Variants in DCC observed in about 807,000 individuals in gnomAD.
The protein encoded by DCC is netrin receptor DCC.
A neutral mutation model predicts 172.5 loss-of-function variants in DCC; 58 were observed. The observed-to-expected ratio is 0.34, with a 90% confidence interval of 0.27 to 0.42. DCC has a LOEUF of 0.42. Ranked by LOEUF, DCC falls within the 10% of genes least tolerant of loss-of-function variation. The pLI is 1.00. For missense variants in DCC, 1,740 were observed against 1,791.0 expected (o/e 0.97, Z 0.51); for synonymous variants, 709 against 644.5 (o/e 1.10, Z -1.52).
intron 6 of DCC, among the ~76,000 whole-genome samples, chr18:53,064,371 A>C (rs66501208): frequency 0.1 from 15,537 of 152,184 alleles, 1,155 homozygotes; most frequent in East Asian, 0.37. Flanking sequence ...ATAACAAAGA[A>C]CTTGCAGCTA....
chr18:52,931,880 A>G (rs1598943857), intron 5 of DCC: 2 of 151,994 alleles, frequency 1.3e-5, no homozygotes, highest in South Asian at 4.2e-4. Flanking sequence ...ACCTGGCTTC[A>G]GTGGGCTTCG....
intron 25 of DCC, among the ~76,000 whole-genome samples, chr18:53,477,869 C>A (rs968842776): frequency 6.6e-6 from 1 of 152,152 alleles, no homozygotes; most frequent in Non-Finnish European, 1.5e-5. Context: ...AGGAGATGAA[C>A]CCCAATCTTT....
chr18:53,257,702 G>A (rs866672732), intron 12 of DCC, among the ~76,000 whole-genome samples: 2 of 152,272 alleles, frequency 1.3e-5, no homozygotes, highest in Admixed American at 1.3e-4. Context: ...CCAGGCTTTG[G>A]TATCAGGATG....
intron 1 of DCC, among the ~76,000 whole-genome samples, chr18:52,586,185 A>G (rs983351495): frequency 3.9e-5 from 6 of 152,010 alleles, no homozygotes. Flanking sequence ...TGAATAATCC[A>G]ACATTAACAA....
At chr18:52,818,005 A>G (rs2038334602) in intron 2 of DCC, 1 of 152,144 alleles carries the variant, frequency 6.6e-6, no homozygotes, top group Non-Finnish European at 1.5e-5. Context: ...CATTGTTTTG[A>G]AGAGGTAGTG....
chr18:53,412,523 A>G (rs952412938), intron 20 of DCC, among the ~76,000 whole-genome samples: 7 of 152,142 alleles, frequency 4.6e-5, no homozygotes, highest in African/African-American at 1.7e-4. Context: ...AAATCATGCT[A>G]TTGCTCTCTG....
intron 27 of DCC, among the ~76,000 whole-genome samples, chr18:53,510,617 A>C (rs1216870010): frequency 1.3e-5 from 2 of 152,224 alleles, no homozygotes; most frequent in Admixed American, 6.5e-5. Context: ...TATTCAAACT[A>C]AAGAAGCTCT....
intron 2 of DCC, among the ~76,000 whole-genome samples, chr18:52,801,362 A>G (rs908214857): frequency 2.0e-5 from 3 of 152,226 alleles, no homozygotes; most frequent in Non-Finnish European, 4.4e-5. Flanking sequence ...ACTTAATTGT[A>G]ACAAAGCCTA....
At chr18:52,698,110 T>G (rs1281956728) in intron 1 of DCC, among the ~76,000 whole-genome samples, 1 of 152,206 alleles carries the variant, frequency 6.6e-6, no homozygotes, top group Non-Finnish European at 1.5e-5. Flanking sequence ...GGATAAATGA[T>G]TCCTTTTATT....
intron 2 of DCC, among the ~76,000 whole-genome samples, chr18:52,894,438 G>A (rs1233113735): frequency 6.7e-6 from 1 of 150,092 alleles, no homozygotes; most frequent in Non-Finnish European, 1.5e-5. Flanking sequence ...CACAATATAA[G>A]TATGTATTTA....
chr18:53,414,167 C>G (rs954825463), intron 20 of DCC, among the ~76,000 whole-genome samples: 3 of 152,028 alleles, frequency 2.0e-5, no homozygotes, highest in Non-Finnish European at 4.4e-5. Flanking sequence ...TGACAAGGTA[C>G]AAGATTTCAT....
At chr18:53,287,844 A>G (rs1568413205) in intron 12 of DCC, among the ~76,000 whole-genome samples, 1 of 152,218 alleles carries the variant, frequency 6.6e-6, no homozygotes, top group African/African-American at 2.4e-5. Flanking sequence ...TATTGATAAC[A>G]AAAGAGACTA....
At chr18:53,396,000 G>C (rs1908915002) in intron 17 of DCC, among the ~76,000 whole-genome samples, 2 of 151,980 alleles carry the variant, frequency 1.3e-5, no homozygotes, top group Admixed American at 1.3e-4. Flanking sequence ...TTAATAGGCT[G>C]GATAGGCAAA....
At chr18:52,451,169 C>A (rs1301477841) in intron 1 of DCC, among the ~76,000 whole-genome samples, 2 of 152,068 alleles carry the variant, frequency 1.3e-5, no homozygotes, top group Non-Finnish European at 2.9e-5. Context: ...TTCCTCCCTC[C>A]CTTCTTTCCA....
intron 7 of DCC, among the ~76,000 whole-genome samples, chr18:53,076,138 C>T (rs746350916): frequency 6.6e-6 from 1 of 152,098 alleles, no homozygotes; most frequent in African/African-American, 2.4e-5. Flanking sequence ...TCCTGCCTTG[C>T]CTGCTGGTAT....
At chr18:53,133,952 G>C (rs2043698404) in intron 7 of DCC, among the ~76,000 whole-genome samples, 1 of 152,138 alleles carries the variant, frequency 6.6e-6, no homozygotes, top group East Asian at 1.9e-4. Context: ...TAGTTGAGAG[G>C]AGAGACCATG....
At chr18:53,117,247 A>G (rs919042025) in intron 7 of DCC, among the ~76,000 whole-genome samples, 1 of 151,752 alleles carries the variant, frequency 6.6e-6, no homozygotes, top group Non-Finnish European at 1.5e-5. Context: ...ATAATACTGC[A>G]CTGTAAGAAA....
chr18:52,822,757 G>C (rs1004017049), intron 2 of DCC, among the ~76,000 whole-genome samples: 2 of 152,158 alleles, frequency 1.3e-5, no homozygotes, highest in Non-Finnish European at 2.9e-5. Flanking sequence ...TTGTCTTTAG[G>C]ATTAAGGTTG....
chr18:53,340,958 G>A (rs545725056), intron 15 of DCC, among the ~76,000 whole-genome samples: 46 of 152,214 alleles, frequency 3.0e-4, no homozygotes, highest in African/African-American at 1.1e-3. Flanking sequence ...TCTCAGTAAA[G>A]GAAGAAAATT....
Sources: allele counts gnomAD v4.1 joint callset (sites outside exome capture counted in the v4.1 genomes callset), GRCh38; gene constraint gnomAD v4.1.1; transcripts MANE v1.5; gene names NCBI Gene and HGNC (gene_info 2026-07-23, HGNC 2026-07-21).